Variants in MCCC2 observed in about 807,000 individuals in gnomAD.
MCCC2 encodes the protein methylcrotonoyl-CoA carboxylase beta chain, mitochondrial.
A neutral mutation model predicts 77.2 loss-of-function variants in MCCC2; 52 were observed. That is an observed-to-expected ratio of 0.67 (90% CI 0.54 to 0.85). MCCC2 has a LOEUF of 0.85. Ranked by LOEUF, MCCC2 falls within the 40% of genes least tolerant of loss-of-function variation. The pLI is 0.00. For missense variants in MCCC2, 682 were observed against 703.2 expected (o/e 0.97, Z 0.34); for synonymous variants, 253 against 248.4 (o/e 1.02, Z -0.18).
chr5:71,611,596 G>A (rs1745946942), intron 6 of MCCC2, among the ~76,000 whole-genome samples: 1 of 151,922 alleles, frequency 6.6e-6, no homozygotes, highest in African/African-American at 2.4e-5. Flanking sequence ...ATCAATATAT[G>A]GCTATTTACT....
intron 6 of MCCC2, among the ~76,000 whole-genome samples, chr5:71,615,718 G>A (rs937779025): frequency 1.3e-5 from 2 of 152,136 alleles, no homozygotes; most frequent in African/African-American, 4.8e-5. Flanking sequence ...AATATTTGGT[G>A]TCTGCCCCAG....
chr5:71,651,927 G>A (rs1747450022), intron 15 of MCCC2, among the ~76,000 whole-genome samples: 2 of 152,102 alleles, frequency 1.3e-5, no homozygotes, highest in East Asian at 3.8e-4. Context: ...TTTTTATACA[G>A]GAAAGGAAAG....
intron 14 of MCCC2, 121 bp from the exon 15 acceptor site, chr5:71,649,948 A>G (rs1396698765): frequency 1.0e-5 from 8 of 767,374 alleles, no homozygotes; most frequent in Admixed American, 2.0e-5. Flanking sequence ...TGAAAGCTCT[A>G]CAGATGATTG....
rs2112469610 is a variant in MCCC2 at position 71,650,310 on chromosome 5, C to T, written c.1488+127C>T. The T allele has an allele frequency of 1.1e-5, 8 of 730,506 alleles. No individual in the cohort carries two copies. The South Asian group carries it at 1.2e-4, about 11-fold the overall frequency. 45.3% of individuals were successfully genotyped at this position (730,506 alleles called of 1,614,324 possible). On this transcript the variant is annotated intron_variant, in intron 15 of 16. Transcript: ENST00000340941. ...GGGGACCTGGCGCACACTGCCTGGC[C>T]ATATTTAGACTGTGCTGCCCTGGAA...
At chr5:71,612,416 A>G (rs1164268043) in intron 6 of MCCC2, among the ~76,000 whole-genome samples, 1 of 152,196 alleles carries the variant, frequency 6.6e-6, no homozygotes, top group East Asian at 1.9e-4. Flanking sequence ...GCCTACCTAT[A>G]TGCTTTATTT....
At chr5:71,618,488 T>TCTTCCTTCCTTCCTTC (rs60010762) in intron 6 of MCCC2, among the ~76,000 whole-genome samples, 21 of 97,148 alleles carry the variant, frequency 2.2e-4, no homozygotes, top group African/African-American at 6.6e-4. Flanking sequence ...CTTCTTTCCT[T>TCTTCCTTCCTTCCTTC]CTTCCTTCCT....
At chr5:71,603,781 C>G (rs1745552139) in intron 5 of MCCC2, among the ~76,000 whole-genome samples, 1 of 152,172 alleles carries the variant, frequency 6.6e-6, no homozygotes, top group Admixed American at 6.5e-5. Context: ...TAAGTGCTTT[C>G]TATACATTTT....
rs1211770999 is a variant in MCCC2 at position 71,633,124 on chromosome 5, TATA to T, written c.803+940_803+942del. Reference sequence around the variant, plus strand: ...ATATATATATATATATATATATATATATATATATTTTTATTTTTTGTAGAAACA... The same window carrying T: ...ATATATATATATATATATATATATATTATATTTTTATTTTTTGTAGAAACA... On this transcript the variant is annotated intron_variant, in intron 8 of 16. Transcript: ENST00000340941. Among the ~76,000 whole-genome samples, 70 of 80,630 alleles carry T rather than the reference TATA, an allele frequency of 8.7e-4. 3 individuals are homozygous for T. The highest frequency in any genetic ancestry group is 2.9e-3 in the African/African-American group (66 of 22,756). The allele number at this position is 80,630 out of a possible 152,430, so 52.9% of individuals were successfully genotyped here.
intron 6 of MCCC2, among the ~76,000 whole-genome samples, chr5:71,621,416 T>C (rs1746344947): frequency 6.6e-6 from 1 of 152,100 alleles, no homozygotes; most frequent in South Asian, 2.1e-4. Flanking sequence ...TGGGAGTAAG[T>C]GAATGACTCA....
rs773772812 is a variant in MCCC2 at position 71,649,116 on chromosome 5, G to A, written c.1236G>A (p.Glu412=). 2.5e-6 allele frequency: 4 copies of A among 1,614,130 alleles called. No individual in the cohort carries two copies. Among genetic ancestry groups the A allele is most frequent in the Non-Finnish European group, 3.4e-6 (4 of 1,180,054 alleles). Residue 412 remains glutamate, a synonymous_variant, in exon 14 of 17, where the codon GAG becomes GAA. Transcript: ENST00000340941. ...QNITGFMVGR[E]YEAEGIAKDG... is the part of the protein sequence containing the mutation. ...TCTCAGGATTTATGGTTGGTAGAGA[G>A]TATGAAGCTGAAGGAATTGCCAAGG...
At chr5:71,600,340 T>A (rs1259197414) in intron 4 of MCCC2, among the ~76,000 whole-genome samples, 1 of 152,184 alleles carries the variant, frequency 6.6e-6, no homozygotes, top group Non-Finnish European at 1.5e-5. Flanking sequence ...TTTTTTGTTT[T>A]TTTTAGAGAT....
chr5:71,600,490 A>G (rs933996952), intron 4 of MCCC2, among the ~76,000 whole-genome samples: 2 of 151,594 alleles, frequency 1.3e-5, no homozygotes, highest in African/African-American at 4.9e-5. Context: ...CAGTGACATG[A>G]TCATAGCTTA....
At chr5:71,627,338 T>C (rs1561838658) in intron 7 of MCCC2, among the ~76,000 whole-genome samples, 1 of 152,206 alleles carries the variant, frequency 6.6e-6, no homozygotes, top group Non-Finnish European at 1.5e-5. Context: ...CCTGCTTTTA[T>C]TTTTTTGGGT....
Position 71,592,962 on chromosome 5 carries a change from C to T in MCCC2, c.166C>T (p.Leu56Phe), listed in dbSNP as rs772144978. Reference protein sequence around the residue: ...YKQMKALVNQLHERVEHIKLG... With the variant: ...YKQMKALVNQFHERVEHIKLG... ...GCAGATGAAAGCACTAGTAAATCAGCTCCATGAACGAGTGGAGCATATAAA... is the reference window on the plus strand; with the variant it reads ...GCAGATGAAAGCACTAGTAAATCAGTTCCATGAACGAGTGGAGCATATAAA... The change falls in exon 2 of 17, where the codon CTC (leucine) becomes TTC (phenylalanine). Residue 56 changes from leucine to phenylalanine, a missense_variant. By Grantham distance (22) the Leu-to-Phe change is conservative. Transcript: ENST00000340941. The T allele has an allele frequency of 3.1e-6, 5 of 1,613,530 alleles. No homozygotes were observed. Among genetic ancestry groups the T allele is most frequent in the South Asian group, 1.1e-5 (1 of 91,054 alleles).
At chr5:71,600,084 G>A (rs1285804308) in intron 4 of MCCC2, among the ~76,000 whole-genome samples, 1 of 152,092 alleles carries the variant, frequency 6.6e-6, no homozygotes, top group Non-Finnish European at 1.5e-5. Flanking sequence ...AGAATCGCTT[G>A]AACCTGGGAG....
chr5:71,594,067 A>G (rs1433614623), intron 2 of MCCC2, among the ~76,000 whole-genome samples: 2 of 152,192 alleles, frequency 1.3e-5, no homozygotes, highest in Non-Finnish European at 1.5e-5. Flanking sequence ...GTACGCAGCT[A>G]TGGAATTCAT....
intron 12 of MCCC2, among the ~76,000 whole-genome samples, 155 bp downstream of exon 12, chr5:71,644,050 TGTGTGTGTGTGTGTGTGTGTGCGC>T (rs1374589291): frequency 4.1e-5 from 6 of 147,200 alleles, no homozygotes; most frequent in East Asian, 1.9e-4. Flanking sequence ...TGTGTGTGTG[TGTGTGTGTGTGTGTGTGTGTGCGC>T]GCGTGTGTAT....
At chr5:71,605,610 T>C (rs1173966695) in intron 6 of MCCC2, among the ~76,000 whole-genome samples, 1 of 150,754 alleles carries the variant, frequency 6.6e-6, no homozygotes. Context: ...ATTTTGGCTT[T>C]TGTTGCCATT....
At chr5:71,640,082 A>T (rs1194125427) in intron 10 of MCCC2, among the ~76,000 whole-genome samples, 1 of 152,176 alleles carries the variant, frequency 6.6e-6, no homozygotes, top group Admixed American at 6.5e-5. Flanking sequence ...AGTAGTCCTG[A>T]TATATAATGA....
Sources: allele counts gnomAD v4.1 joint callset (sites outside exome capture counted in the v4.1 genomes callset), GRCh38; gene constraint gnomAD v4.1.1; transcripts MANE v1.5; gene names NCBI Gene and HGNC (gene_info 2026-07-23, HGNC 2026-07-21).